Variants in ABCB7 observed in about 807,000 individuals in gnomAD.
ABCB7 encodes the protein iron-sulfur clusters transporter ABCB7, mitochondrial.
A neutral mutation model predicts 54.4 loss-of-function variants in ABCB7; 7 were observed. The observed-to-expected ratio is 0.13, with a 90% CI of 0.07 to 0.24. The LOEUF (loss-of-function observed/expected upper bound fraction) is 0.24. ABCB7 is among the 10% of genes least tolerant of loss of function. The pLI is 1.00. For missense variants in ABCB7, 356 were observed against 570.4 expected (o/e 0.62, Z 3.83); for synonymous variants, 218 against 207.1 (o/e 1.05, Z -0.45).
At chrX:75,137,208 A>C (rs1189188067) in intron 1 of ABCB7, among the ~76,000 whole-genome samples, 2 of 112,340 alleles carry the variant, frequency 1.8e-5, no homozygotes, top group Non-Finnish European at 3.8e-5. Flanking sequence ...CCCCATTAAA[A>C]ATGCGCAAAG....
chrX:75,102,481 A>C (rs895077165), intron 3 of ABCB7, among the ~76,000 whole-genome samples: 2 of 111,554 alleles, frequency 1.8e-5, no homozygotes, highest in Admixed American at 1.9e-4. Context: ...AGTTCCATCC[A>C]TGTCGCTGCA....
chrX:75,143,014 A>G (rs1447431969), intron 1 of ABCB7, among the ~76,000 whole-genome samples: 1 of 112,506 alleles, frequency 8.9e-6, no homozygotes, highest in Non-Finnish European at 1.9e-5. Flanking sequence ...ATATATGACC[A>G]TACTCTAAGC....
At chrX:75,098,308 CAAAA>C (rs775704746) in intron 4 of ABCB7, among the ~76,000 whole-genome samples, 1 of 62,459 alleles carries the variant, frequency 1.6e-5, no homozygotes, top group Non-Finnish European at 3.1e-5. Flanking sequence ...GACTCTGTAT[CAAAA>C]AAAAAAAAAA....
At chrX:75,085,237 A>G (rs2081487654) in intron 4 of ABCB7, among the ~76,000 whole-genome samples, 1 of 112,392 alleles carries the variant, frequency 8.9e-6, no homozygotes, top group Admixed American at 9.4e-5. Flanking sequence ...ACTCTGTTAT[A>G]TCCATACCAT....
intron 15 of ABCB7, among the ~76,000 whole-genome samples, chrX:75,056,566 G>C (rs2081241683): frequency 9.0e-6 from 1 of 111,507 alleles, no homozygotes; most frequent in Non-Finnish European, 1.9e-5. Context: ...AAAAGTCTTG[G>C]CTCCTTTTAG....
intron 9 of ABCB7, 117 bp from the exon 10 acceptor site, chrX:75,070,639 T>A: frequency 1.4e-6 from 1 of 705,250 alleles, no homozygotes; most frequent in South Asian, 2.4e-5. Context: ...GCAACAACTC[T>A]TATGTCAACT....
At chrX:75,140,086 T>G (rs923997779) in intron 1 of ABCB7, among the ~76,000 whole-genome samples, 5 of 111,512 alleles carry the variant, frequency 4.5e-5, no homozygotes, top group Admixed American at 9.6e-5. Flanking sequence ...ATTAATAGAT[T>G]TAATGAAATC....
chrX:75,094,227 A>C (rs1321559730), intron 4 of ABCB7, among the ~76,000 whole-genome samples: 1 of 109,523 alleles, frequency 9.1e-6, no homozygotes, highest in Non-Finnish European at 1.9e-5. Context: ...TTGATACTTT[A>C]ACTTCCTTTG....
At chrX:75,056,841 T>C (rs1236829729) in intron 15 of ABCB7, among the ~76,000 whole-genome samples, 3 of 111,661 alleles carry the variant, frequency 2.7e-5, no homozygotes, top group African/African-American at 9.8e-5. Context: ...TACACAAAAA[T>C]AGTCTCAAAA....
rs1160024642 is a variant in ABCB7, at chrX:75,115,266, C to CAAAAAA, written c.169-441_169-436dup. Among the ~76,000 whole-genome samples the CAAAAAA allele has an allele frequency of 4.8e-3, 64 of 13,244 alleles. 4 individuals are homozygous for CAAAAAA. Among genetic ancestry groups the CAAAAAA allele is most frequent in the African/African-American group, 0.018 (54 of 3,079 alleles). The allele number at this position is 13,244 out of a possible 115,157, so 11.5% of individuals were successfully genotyped here. On this transcript the variant is annotated intron_variant, in intron 1 of 15. Coordinates refer to ENST00000373394, the MANE Select transcript of ABCB7 (RefSeq NM_001271696.3). ...CTGGCAACAGAGCGAGACTCTGTCTCAAAAAAAAAAAAAAAAAAAAAAAAA... is the reference window on the plus strand; with the variant it reads ...CTGGCAACAGAGCGAGACTCTGTCTCAAAAAAAAAAAAAAAAAAAAAAAAAAAAAAA...
chrX:75,153,901 C>A (rs1340596561), intron 1 of ABCB7, among the ~76,000 whole-genome samples: 1 of 108,286 alleles, frequency 9.2e-6, no homozygotes, highest in Non-Finnish European at 1.9e-5. Flanking sequence ...CTAATCCAAC[C>A]CACTAACATT....
intron 1 of ABCB7, among the ~76,000 whole-genome samples, chrX:75,142,749 A>G (rs1289770903): frequency 1.8e-5 from 2 of 112,305 alleles, no homozygotes; most frequent in African/African-American, 6.5e-5. Context: ...ACGTCGCTCT[A>G]CAAAAGCATT....
At chrX:75,062,461 G>T in intron 13 of ABCB7, 30 bp from the exon 14 acceptor site, 1 of 1,041,783 alleles carries the variant, frequency 9.6e-7, no homozygotes, top group Non-Finnish European at 1.3e-6. Context: ...CTTTAAGGAA[G>T]CATAGTGCAT....
At chrX:75,076,288 T>G (rs2081408329) in intron 5 of ABCB7, among the ~76,000 whole-genome samples, 1 of 112,705 alleles carries the variant, frequency 8.9e-6, no homozygotes, top group African/African-American at 3.2e-5. Context: ...TTTAATGTCT[T>G]ATTTTATATT....
Position 75,082,771 on chromosome X carries a change from GAA to G in ABCB7, c.454-6119_454-6118del, listed in dbSNP as rs58087399. On this transcript the variant is annotated intron_variant, in intron 4 of 15. Coordinates refer to ENST00000373394, the MANE Select transcript of ABCB7 (RefSeq NM_001271696.3). ...AAAATATTGATCCTAAGCAGACTGTGAAAAGTTACTTATGTATAATTTCCAGA... is the reference window on the plus strand; with the variant it reads ...AAAATATTGATCCTAAGCAGACTGTGAAGTTACTTATGTATAATTTCCAGA... Among the ~76,000 whole-genome samples, 8,371 of 110,747 alleles carry G rather than the reference GAA, an allele frequency of 0.076. 1,221 individuals carry two copies. In the East Asian group the frequency reaches 0.89, roughly 12 times the overall value.
chrX:75,063,299 A>T (rs1372847572), intron 13 of ABCB7, among the ~76,000 whole-genome samples: 1 of 111,427 alleles, frequency 9.0e-6, no homozygotes, highest in Non-Finnish European at 1.9e-5. Flanking sequence ...AGTTGGAAGT[A>T]CAGAAGATGG....
At chrX:75,092,720 A>C (rs1217324780) in intron 4 of ABCB7, among the ~76,000 whole-genome samples, 1 of 112,120 alleles carries the variant, frequency 8.9e-6, no homozygotes, top group African/African-American at 3.2e-5. Context: ...CTCAACAATA[A>C]GAAAACAATC....
chrX:75,095,115 C>T (rs1245394691), intron 4 of ABCB7, among the ~76,000 whole-genome samples: 1 of 110,790 alleles, frequency 9.0e-6, no homozygotes, highest in African/African-American at 3.3e-5. Flanking sequence ...TGTTCTCATA[C>T]ATTAGGCACA....
At chrX:75,061,087 C>G (rs968712856) in intron 14 of ABCB7, among the ~76,000 whole-genome samples, 1 of 110,944 alleles carries the variant, frequency 9.0e-6, no homozygotes, top group Non-Finnish European at 1.9e-5. Context: ...AGATGGTTAC[C>G]CAGGAAAAGA....
Sources: gnomAD v4.1 joint callset for allele counts (sites outside exome capture counted in the v4.1 genomes callset) on GRCh38, gnomAD v4.1.1 for gene constraint, MANE v1.5 for transcripts, NCBI Gene and HGNC (gene_info 2026-07-23, HGNC 2026-07-21) for gene names.